FOXK2: variants seen among roughly 807,000 people sequenced by gnomAD.
FOXK2 encodes the protein forkhead box K2, also known as forkhead box protein K2.
FOXK2 carries 24 observed loss-of-function variants against 53.3 expected under a neutral mutation model. That is an observed-to-expected ratio of 0.45 (90% CI 0.33 to 0.63). The LOEUF is 0.63. FOXK2 is among the 30% of genes least tolerant of loss of function. The pLI, the probability that FOXK2 is intolerant of heterozygous loss-of-function variation, is 0.03. For synonymous variants in FOXK2, 505 were observed against 407.1 expected, an observed-to-expected ratio of 1.24 and a Z score of -2.89; for missense variants, 952 against 910.5, an observed-to-expected ratio of 1.05 and a Z score of -0.59.
rs370530166 is a variant in FOXK2 at position 82,584,003 on chromosome 17, G to C, written c.1104-10G>C. ...TGTAACCATGCAATGTCTTCTTCTCGGTGACACAGGAGTGCCCCAGCCTCT... is the reference window on the plus strand; with the variant it reads ...TGTAACCATGCAATGTCTTCTTCTCCGTGACACAGGAGTGCCCCAGCCTCT... On this transcript the variant is annotated splice_polypyrimidine_tract_variant and intron_variant, in intron 5 of 8. Transcript: ENST00000335255. The C allele has an allele frequency of 1.3e-6, 2 of 1,573,732 alleles. No individual in the cohort carries two copies. Among genetic ancestry groups the C allele is most frequent in the African/African-American group, 2.7e-5 (2 of 73,752 alleles).
intron 1 of FOXK2, among the ~76,000 whole-genome samples, chr17:82,553,207 A>G (rs1179880011): frequency 2.0e-5 from 3 of 152,252 alleles, no homozygotes; most frequent in Non-Finnish European, 2.9e-5. Context: ...AAGTGCTGGG[A>G]TTACAGGCGT....
At chr17:82,532,367 C>T (rs2044480296) in intron 1 of FOXK2, among the ~76,000 whole-genome samples, 1 of 152,152 alleles carries the variant, frequency 6.6e-6, no homozygotes. Flanking sequence ...TGGTCTTGAA[C>T]TCCTGACCTC....
intron 8 of FOXK2, among the ~76,000 whole-genome samples, chr17:82,596,386 AG>A (rs1403789330): frequency 1.6e-5 from 1 of 61,736 alleles, no homozygotes; most frequent in Non-Finnish European, 4.1e-5. Context: ...AGCTTGGTGT[AG>A]GGGGAGCCTC....
intron 8 of FOXK2, among the ~76,000 whole-genome samples, chr17:82,592,735 G>A (rs2045264506): frequency 6.6e-6 from 1 of 152,248 alleles, no homozygotes; most frequent in African/African-American, 2.4e-5. Flanking sequence ...GCTGGCTGGG[G>A]TTCTCTGCAT....
At chr17:82,554,341 C>CT (rs760557391) in intron 1 of FOXK2, among the ~76,000 whole-genome samples, 159 of 152,294 alleles carry the variant, frequency 1.0e-3, no homozygotes, top group Non-Finnish European at 1.9e-3. Flanking sequence ...AGGAACCTGT[C>CT]TTTGGAGTCC....
chr17:82,532,075 C>G (rs1271083927), intron 1 of FOXK2, among the ~76,000 whole-genome samples: 5 of 151,908 alleles, frequency 3.3e-5, no homozygotes, highest in Non-Finnish European at 7.4e-5. Flanking sequence ...GTCTTGAACT[C>G]CTGAGCTCAG....
At chr17:82,565,989 A>AT (rs1402047850) in intron 2 of FOXK2, among the ~76,000 whole-genome samples, 1 of 152,132 alleles carries the variant, frequency 6.6e-6, no homozygotes, top group Admixed American at 6.5e-5. Context: ...GCTCAGTGAA[A>AT]TAAGCCAGTC....
intron 1 of FOXK2, among the ~76,000 whole-genome samples, chr17:82,532,825 C>T (rs1457403277): frequency 6.6e-6 from 1 of 152,158 alleles, no homozygotes. Flanking sequence ...GCTTTGGCCT[C>T]CCAAAGTGCT....
At chr17:82,581,478 G>T (rs1249944449) in intron 4 of FOXK2, among the ~76,000 whole-genome samples, 1 of 134,100 alleles carries the variant, frequency 7.5e-6, no homozygotes, top group Non-Finnish European at 1.6e-5. Flanking sequence ...TTTTGTGTGG[G>T]TTTTTTTTTT....
chr17:82,537,552 G>A (rs570705701), intron 1 of FOXK2, among the ~76,000 whole-genome samples: 188 of 143,664 alleles, frequency 1.3e-3, no homozygotes, highest in African/African-American at 4.7e-3. Context: ...CTGGGAAGTG[G>A]AAGTTGCAGT....
rs748114223 is a variant in FOXK2, at chr17:82,568,124, C to T, written c.685C>T (p.Pro229Ser). ...AGGGTACAAGGTGGGCCGAGTGATG[C>T]CATCTGACCTCAATTTAATGGCTGA... is the stretch of plus-strand genomic sequence containing the variant. ...SSGYKVGRVM[P>S]SDLNLMADNS... Residue 229 changes from proline (P) to serine (S), a missense_variant, in exon 3 of 9, where the codon CCA becomes TCA. Coordinates refer to ENST00000335255, the MANE Select transcript of FOXK2 (RefSeq NM_004514.4). 5 of 1,613,922 alleles carry T rather than the reference C, an allele frequency of 3.1e-6. No individual in the cohort carries two copies. The South Asian group carries it at 3.3e-5, about 11-fold the overall frequency.
chr17:82,575,266 C>G (rs2044969092), intron 4 of FOXK2, among the ~76,000 whole-genome samples: 1 of 152,274 alleles, frequency 6.6e-6, no homozygotes, highest in Non-Finnish European at 1.5e-5. Context: ...AGTCCCTAAC[C>G]CAGAGAGCCT....
intron 4 of FOXK2, chr17:82,576,838 C>T: frequency 1.8e-6 from 1 of 551,138 alleles, no homozygotes; most frequent in Non-Finnish European, 3.3e-6. Flanking sequence ...GCTCCAGCAG[C>T]TGTTCTTCAA....
Position 82,519,996 on chromosome 17 carries a change from C to T in FOXK2, c.108C>T (p.Ala36=). 1 of 1,435,988 alleles carries T rather than the reference C, an allele frequency of 7.0e-7. No individual in the cohort carries two copies. The highest frequency in any genetic ancestry group is 2.1e-5 in the Admixed American group (1 of 48,084). 89.0% of individuals were successfully genotyped at this position (1,435,988 alleles called of 1,614,324 possible). A position where few individuals can be genotyped will look rare whatever the true frequency, so the allele number is the denominator to read the frequency against. ...GGGGSPPGGW[A]VARLEGREFE... ...GCGGGTCCCCGCCGGGCGGCTGGGC[C>T]GTGGCGCGCCTGGAGGGCCGCGAGT... Residue 36 remains alanine (A), a synonymous_variant, in exon 1 of 9, where the codon GCC becomes GCT. Transcript: ENST00000335255.
In FOXK2 at chr17:82,582,940, GAA is replaced by G. The variant is rs1392175333; in HGVS notation, c.1103+10_1103+11del. 1 of 1,530,346 alleles carries G rather than the reference GAA, an allele frequency of 6.5e-7. No individual in the cohort carries two copies. The highest frequency in any genetic ancestry group is 1.4e-5 in the African/African-American group (1 of 70,770). 94.8% of individuals were successfully genotyped at this position (1,530,346 alleles called of 1,614,324 possible). On this transcript the variant is annotated splice_region_variant and intron_variant, in intron 5 of 8. Coordinates refer to ENST00000335255, the MANE Select transcript of FOXK2 (RefSeq NM_004514.4). ...CTGGGACCGCTCTCTTCTAGGTAAG[GAA>G]AAAGAAGAACAAAAGGCCTCACTTC... is the stretch of plus-strand genomic sequence containing the variant.
intron 1 of FOXK2, among the ~76,000 whole-genome samples, chr17:82,549,494 A>G (rs2144088911): frequency 6.6e-6 from 1 of 152,182 alleles, no homozygotes; most frequent in East Asian, 1.9e-4. Context: ...GTTACAGTGC[A>G]GCAAATGGGA....
chr17:82,556,302 G>A (rs2044723769), intron 1 of FOXK2, among the ~76,000 whole-genome samples: 1 of 152,034 alleles, frequency 6.6e-6, no homozygotes, highest in Non-Finnish European at 1.5e-5. Context: ...AAATTAGCAG[G>A]GCATGGTGGC....
At chr17:82,588,052 C>A (rs574811768) in intron 8 of FOXK2, among the ~76,000 whole-genome samples, 1 of 152,124 alleles carries the variant, frequency 6.6e-6, no homozygotes, top group Non-Finnish European at 1.5e-5. Context: ...GAATCCTTAC[C>A]GAACGCTACG....
At chr17:82,533,626 A>G (rs1214493864) in intron 1 of FOXK2, among the ~76,000 whole-genome samples, 1 of 152,202 alleles carries the variant, frequency 6.6e-6, no homozygotes, top group Non-Finnish European at 1.5e-5. Context: ...TGACACCAGC[A>G]TCACCCCAGA....
Sources: allele counts gnomAD v4.1 joint callset (sites outside exome capture counted in the v4.1 genomes callset), GRCh38; gene constraint gnomAD v4.1.1; transcripts MANE v1.5; gene names NCBI Gene and HGNC (gene_info 2026-07-23, HGNC 2026-07-21).